UCKL1: variants seen among roughly 807,000 people sequenced by gnomAD.
The protein encoded by UCKL1 is uridine-cytidine kinase 1 like 1, also known as uridine-cytidine kinase-like 1.
Under a neutral mutation model 59.2 loss-of-function variants are expected in UCKL1, and 65 were observed. The observed-to-expected ratio is 1.10, with a 90% CI of 0.90 to 1.35. The LOEUF (loss-of-function observed/expected upper bound fraction) is 1.35. Among genes scored for constraint, UCKL1 ranks in the 40% most tolerant of loss-of-function variants. UCKL1 has a pLI of 0.00. For missense variants in UCKL1, 703 were observed against 784.3 expected, an observed-to-expected ratio of 0.90 and a Z score of 1.24; for synonymous variants, 410 against 323.1, an observed-to-expected ratio of 1.27 and a Z score of -2.88.
intron 1 of UCKL1, chr20:63,954,194 T>G (rs938133990): frequency 6.5e-6 from 1 of 152,766 alleles, no homozygotes; most frequent in Non-Finnish European, 1.5e-5. Flanking sequence ...CAGGAAACCT[T>G]CCCTCAGCAG....
chr20:63,945,375 G>A (rs976481584), intron 5 of UCKL1, among the ~76,000 whole-genome samples: 7 of 152,200 alleles, frequency 4.6e-5, no homozygotes, highest in South Asian at 2.1e-4. Context: ...TCAGGACCAC[G>A]GCAAGGGACG....
intron 8 of UCKL1, 154 bp from the exon 9 acceptor site, chr20:63,941,362 TG>T (rs1022448438): frequency 1.3e-5 from 16 of 1,213,102 alleles, no homozygotes; most frequent in Admixed American, 2.7e-5. Flanking sequence ...GGGGCTGAGC[TG>T]GGGGGAGACG....
At chr20:63,942,397 C>G (rs1272226127) in intron 8 of UCKL1, 1 of 1,172,758 alleles carries the variant, frequency 8.5e-7, no homozygotes, top group Non-Finnish European at 1.1e-6. Context: ...GAAAGAGGGC[C>G]TAGCGGGAGC....
chr20:63,943,796 G>T, intron 7 of UCKL1, 127 bp from the exon 8 acceptor site: 1 of 1,388,082 alleles, frequency 7.2e-7, no homozygotes, highest in South Asian at 1.2e-5. Flanking sequence ...AGCCATGGGG[G>T]GTGGCAAGCT....
chr20:63,956,312 G>T lies in UCKL1; in HGVS notation c.61C>A (p.Arg21=). 6.4e-7 allele frequency: 1 copy of T among 1,557,482 alleles called. No homozygotes were observed. The change falls in exon 1 of 15, where the codon CGA becomes AGA. Residue 21 remains arginine (R), a synonymous_variant. Coordinates refer to ENST00000354216, the MANE Select transcript of UCKL1 (RefSeq NM_017859.4). ...TCAGCCTGCCGGCCTGGTGTGTCTC[G>T]GGCCGTAGGTGGCGACGTGGGCGAA... is the stretch of plus-strand genomic sequence containing the variant. ...DPSPTSPPTA[R]DTPGRQAEKS...
At chr20:63,952,524 G>A (rs1224141938) in intron 1 of UCKL1, among the ~76,000 whole-genome samples, 1 of 152,184 alleles carries the variant, frequency 6.6e-6, no homozygotes, top group Non-Finnish European at 1.5e-5. Flanking sequence ...CGCTCACGGT[G>A]GGGAGGGGTA....
intron 1 of UCKL1, among the ~76,000 whole-genome samples, chr20:63,952,446 C>T (rs2057794875): frequency 6.6e-6 from 1 of 152,212 alleles, no homozygotes; most frequent in African/African-American, 2.4e-5. Flanking sequence ...CGCTGCAGGC[C>T]ACGTGGTCCC....
At chr20:63,956,166 G>T in intron 1 of UCKL1, 94 bp downstream of exon 1, 1 of 1,203,004 alleles carries the variant, frequency 8.3e-7, no homozygotes, top group Non-Finnish European at 1.1e-6. Context: ...TGGGGGACTT[G>T]GGCTCGCGGC....
intron 7 of UCKL1, 50 bp downstream of exon 7, chr20:63,944,347 T>G: frequency 6.6e-7 from 1 of 1,510,468 alleles, no homozygotes; most frequent in Non-Finnish European, 8.9e-7. Flanking sequence ...AGCGGAGAAG[T>G]GGGTAGAGGG....
intron 12 of UCKL1, 25 bp downstream of exon 12, chr20:63,940,569 C>G: frequency 6.2e-7 from 1 of 1,605,704 alleles, no homozygotes; most frequent in Non-Finnish European, 8.5e-7. Flanking sequence ...CCCCCGGGCT[C>G]ATCACCCCGG....
chr20:63,942,002 A>G (rs1459676465), intron 8 of UCKL1, among the ~76,000 whole-genome samples: 349 of 137,628 alleles, frequency 2.5e-3, no homozygotes, highest in African/African-American at 9.4e-3. Flanking sequence ...CGGCAGGGAA[A>G]GGGGCGGGGC....
At chr20:63,944,495 G>A (rs977387923) in intron 6 of UCKL1, 37 bp from the exon 7 acceptor site, 2 of 1,583,394 alleles carry the variant, frequency 1.3e-6, no homozygotes, top group African/African-American at 2.7e-5. Flanking sequence ...CCGGGGGCTG[G>A]GCCGTTGGCC....
chr20:63,948,608 A>AGAGGCAGGGGCGTGTGT (rs2056957340), intron 1 of UCKL1: 1 of 73,630 alleles, frequency 1.4e-5, no homozygotes, highest in Non-Finnish European at 2.7e-5. Context: ...GGCGTGTGTG[A>AGAGGCAGGGGCGTGTGT]GAGGGAGGGG....
rs531009867 is a variant in UCKL1 at position 63,940,619 on chromosome 20, G to C, written c.1277C>G (p.Thr426Ser). Residue 426 changes from threonine to serine, a missense_variant, in exon 12 of 15, where the codon ACC becomes AGC. Around this residue, in one of 4 missense-constraint regions of UCKL1, gnomAD observed 25 missense variants for 64.5 expected, o/e 0.39. Coordinates refer to ENST00000354216, the MANE Select transcript of UCKL1 (RefSeq NM_017859.4). ...DVRIGTILIQ[T>S]NQLTGEPELH... ...CTCGGGCTCCCCGGTAAGCTGGTTG[G>C]TCTGGATGAGGATGGTGCCGATGCG... 6.2e-7 allele frequency: 1 copy of C among 1,609,780 alleles called. No individual in the cohort carries two copies. The highest frequency in any genetic ancestry group is 1.3e-5 in the African/African-American group (1 of 75,060).
chr20:63,946,387 A>T (rs2056215244), intron 2 of UCKL1, 66 bp downstream of exon 2: 2 of 1,519,798 alleles, frequency 1.3e-6, no homozygotes, highest in African/African-American at 2.8e-5. Context: ...CTCCTGCTCC[A>T]CAGGCACTGG....
At chr20:63,947,183 C>G (rs1330899420) in intron 1 of UCKL1, among the ~76,000 whole-genome samples, 1 of 152,152 alleles carries the variant, frequency 6.6e-6, no homozygotes, top group Non-Finnish European at 1.5e-5. Flanking sequence ...GTCCACACAG[C>G]AAGGACAGAG....
intron 12 of UCKL1, 42 bp from the exon 13 acceptor site, chr20:63,940,527 G>C (rs762875919): frequency 6.2e-7 from 1 of 1,604,122 alleles, no homozygotes; most frequent in Non-Finnish European, 8.5e-7. Flanking sequence ...GGCTCCCTGC[G>C]TCCCCTTGCT....
chr20:63,951,169 A>G, intron 1 of UCKL1: 1 of 1,041,814 alleles, frequency 9.6e-7, no homozygotes, highest in Non-Finnish European at 1.2e-6. Flanking sequence ...CCAAGGCCAC[A>G]GGCATAAGAG....
In UCKL1 at chr20:63,939,918, C is replaced by T; in HGVS notation, c.*58G>A. 2 of 1,371,898 alleles carry T rather than the reference C, an allele frequency of 1.5e-6. No homozygotes were observed. The highest frequency in any genetic ancestry group is 1.4e-5 in the African/African-American group (1 of 69,846). 85.0% of individuals were successfully genotyped at this position (1,371,898 alleles called of 1,614,324 possible). A position where few individuals can be genotyped will look rare whatever the true frequency, so the allele number is the denominator to read the frequency against. ...TAAAAATTAACATCTTTGTATTCAG[C>T]AGTCCTGGGTCAGGAGGCAGGAGGA... On this transcript the variant is annotated 3_prime_UTR_variant, in exon 15 of 15. Transcript: ENST00000354216.
Sources: gnomAD v4.1 joint callset for allele counts (sites outside exome capture counted in the v4.1 genomes callset) on GRCh38, gnomAD v4.1.1 for gene constraint, gnomAD v4.1.1 regional missense constraint, MANE v1.5 for transcripts, NCBI Gene and HGNC (gene_info 2026-07-23, HGNC 2026-07-21) for gene names.